The following GPAM variants were observed in gnomAD, a reference collection of about 807,000 sequenced individuals.
The protein encoded by GPAM is glycerol-3-phosphate acyltransferase, mitochondrial.
A neutral mutation model predicts 105.0 loss-of-function variants in GPAM; 56 were observed. The observed-to-expected ratio is 0.53, with a 90% CI of 0.43 to 0.67. GPAM has a LOEUF of 0.67. GPAM is among the 30% of genes least tolerant of loss of function. The pLI is 0.00. For synonymous variants in GPAM, 368 were observed against 354.4 expected (o/e 1.04, Z -0.43); for missense variants, 855 against 989.8 (o/e 0.86, Z 1.83).
intron 4 of GPAM, among the ~76,000 whole-genome samples, chr10:112,179,270 AC>A (rs1317051954): frequency 6.6e-6 from 1 of 152,164 alleles, no homozygotes; most frequent in East Asian, 1.9e-4. Flanking sequence ...TTTACTCCAA[AC>A]CATTACCACC....
chr10:112,201,668 T>C (rs1206041402), intron 1 of GPAM, among the ~76,000 whole-genome samples: 3 of 152,236 alleles, frequency 2.0e-5, no homozygotes, highest in African/African-American at 7.2e-5. Flanking sequence ...CCTTGCCTTG[T>C]CACTTTCTTC....
At chr10:112,208,877 TC>T (rs1371450829) in intron 1 of GPAM, among the ~76,000 whole-genome samples, 3 of 152,148 alleles carry the variant, frequency 2.0e-5, no homozygotes, top group African/African-American at 7.2e-5. Context: ...TTGAATACAT[TC>T]ACCCTAGACT....
chr10:112,183,515 C>T (rs1189736693), intron 1 of GPAM, among the ~76,000 whole-genome samples, 178 bp downstream of exon 1: 1 of 152,246 alleles, frequency 6.6e-6, no homozygotes, highest in African/African-American at 2.4e-5. Flanking sequence ...ATCCTGATCC[C>T]CACCCCTGCA....
At chr10:112,208,348 A>C (rs1038425756) in intron 1 of GPAM, among the ~76,000 whole-genome samples, 2 of 152,190 alleles carry the variant, frequency 1.3e-5, no homozygotes, top group Non-Finnish European at 2.9e-5. Context: ...CTGAGTACTA[A>C]TGGCTTTTAT....
At position 112,200,244 on chromosome 10, in the gene GPAM, T is replaced by TATAG. The variant is rs61460320; in HGVS notation, n.210+14923_210+14924insCTAT. ...CACTATATGTATATATATATATATA[T>TATAG]AGAGAGAGAGAGAGAGAGAGAGAGA... On this transcript the variant is annotated intron_variant and non_coding_transcript_variant, in intron 1 of 3. Transcript: ENST00000480130. 4.7e-3 allele frequency among the ~76,000 whole-genome samples: 584 copies of TATAG among 123,546 alleles called. 4 individuals are homozygous for TATAG. The highest frequency in any genetic ancestry group is 0.01 in the South Asian group (38 of 3,740). 81.1% of individuals were successfully genotyped at this position (123,546 alleles called of 152,430 possible).
intron 1 of GPAM, among the ~76,000 whole-genome samples, chr10:112,199,863 A>T (rs1159779776): frequency 6.6e-6 from 1 of 152,118 alleles, no homozygotes; most frequent in Non-Finnish European, 1.5e-5. Flanking sequence ...GCCCCCCATG[A>T]TTCAATTATC....
upstream of GPAM, among the ~76,000 whole-genome samples, chr10:112,217,657 A>G (rs1048373264): frequency 6.6e-6 from 1 of 152,262 alleles, no homozygotes. Flanking sequence ...TTCACAGTGC[A>G]TAAAGCACAA....
At chr10:112,219,533 C>T (rs1400961321), upstream of GPAM, among the ~76,000 whole-genome samples, 1 of 152,196 alleles carries the variant, frequency 6.6e-6, no homozygotes, top group Non-Finnish European at 1.5e-5. Flanking sequence ...ACATATCAGG[C>T]ACGTCACTGT....
chr10:112,160,422 A>G, intron 16 of GPAM, 182 bp downstream of exon 16: 1 of 823,548 alleles, frequency 1.2e-6, no homozygotes, highest in Non-Finnish European at 1.5e-6. Context: ...ACGGTAATTC[A>G]GTAACTACTC....
At chr10:112,217,440 G>T (rs1263953519), upstream of GPAM, among the ~76,000 whole-genome samples, 53 of 140,560 alleles carry the variant, frequency 3.8e-4, no homozygotes, top group Middle Eastern at 3.6e-3. Context: ...CGTTTTGTTT[G>T]TTTTTTTTTT....
chr10:112,158,299 A>T lies in GPAM; in HGVS notation c.1980+17T>A. The T allele has an allele frequency of 1.4e-6, 2 of 1,410,706 alleles. No individual in the cohort carries two copies. Among genetic ancestry groups the T allele is most frequent in the Non-Finnish European group, 2.0e-6 (2 of 993,924 alleles). The allele number at this position is 1,410,706 out of a possible 1,614,324, so 87.4% of individuals were successfully genotyped here. ...GAGTAAGTATAAAGACAAATAAAGG[A>T]AAGCTCTACCTCTTACCTCTGCCAC... On this transcript the variant is annotated intron_variant, in intron 18 of 21. Coordinates refer to ENST00000348367, the MANE Select transcript of GPAM (RefSeq NM_001244949.2).
chr10:112,199,792 T>C (rs1030021519), intron 1 of GPAM, among the ~76,000 whole-genome samples: 7 of 152,008 alleles, frequency 4.6e-5, no homozygotes, highest in Admixed American at 1.3e-4. Context: ...GAACTCCCAT[T>C]TATAAAACTA....
intron 1 of GPAM, among the ~76,000 whole-genome samples, chr10:112,204,447 A>C (rs1374521114): frequency 6.6e-6 from 1 of 151,634 alleles, no homozygotes; most frequent in Non-Finnish European, 1.5e-5. Flanking sequence ...GGTTGTAAAG[A>C]TAGAGCAACA....
intron 1 of GPAM, among the ~76,000 whole-genome samples, chr10:112,198,641 C>T (rs1847753712): frequency 6.6e-6 from 1 of 152,112 alleles, no homozygotes; most frequent in African/African-American, 2.4e-5. Flanking sequence ...TAAAATAGAG[C>T]TACTATATGA....
chr10:112,178,124 T>C (rs1847440489), intron 4 of GPAM, 67 bp from the exon 5 acceptor site: 1 of 818,378 alleles, frequency 1.2e-6, no homozygotes, highest in Admixed American at 1.8e-5. Context: ...GCTCTCATTA[T>C]GAGTTCTTGA....
chr10:112,161,321 G>A (rs1050976949), intron 15 of GPAM, among the ~76,000 whole-genome samples: 3 of 152,186 alleles, frequency 2.0e-5, no homozygotes, highest in Admixed American at 1.3e-4. Context: ...ATTTTGGGAG[G>A]ATAAAGGGTG....
intron 1 of GPAM, among the ~76,000 whole-genome samples, chr10:112,194,038 C>T (rs1017918971): frequency 6.6e-6 from 1 of 152,196 alleles, no homozygotes; most frequent in South Asian, 2.1e-4. Context: ...CTTGAAACAA[C>T]AGAGTTTGTT....
chr10:112,223,152 C>T, the GPAM span, among the ~76,000 whole-genome samples: 4 of 152,178 alleles, frequency 2.6e-5, no homozygotes, highest in African/African-American at 7.2e-5. Flanking sequence ...CCTTCCTTTG[C>T]TCTCTCCTTT....
intron 14 of GPAM, 142 bp from the exon 15 acceptor site, chr10:112,161,879 A>G: frequency 1.4e-6 from 1 of 718,792 alleles, no homozygotes; most frequent in Non-Finnish European, 2.5e-6. Context: ...GATTTACCAA[A>G]AGGAAGTTAT....
Sources: allele counts gnomAD v4.1 joint callset (sites outside exome capture counted in the v4.1 genomes callset), GRCh38; gene constraint gnomAD v4.1.1; transcripts MANE v1.5; gene names NCBI Gene and HGNC (gene_info 2026-07-23, HGNC 2026-07-21).